The following SIMC1 variants were observed in gnomAD, a reference collection of about 807,000 sequenced individuals.
The protein encoded by SIMC1 is SUMO interacting motifs containing 1, also known as SUMO-interacting motif-containing protein 1.
SIMC1 carries 55 observed loss-of-function variants against 82.3 expected under a neutral mutation model. That is an observed-to-expected ratio of 0.67 (90% CI 0.54 to 0.84). SIMC1 has a LOEUF of 0.84. SIMC1 is among the 40% of genes least tolerant of loss of function. SIMC1 has a pLI of 0.00. For synonymous variants in SIMC1, 353 were observed against 426.3 expected (o/e 0.83, Z 2.12); for missense variants, 915 against 1,107.2 (o/e 0.83, Z 2.46).
At chr5:176,313,384 T>C in intron 4 of SIMC1, 1 of 1,532,844 alleles carries the variant, frequency 6.5e-7, no homozygotes, top group Admixed American at 2.2e-5. Context: ...AGTAGATATC[T>C]GATTGCAGCT....
intron 1 of SIMC1, among the ~76,000 whole-genome samples, chr5:176,259,763 ACT>A (rs1198646957): frequency 6.6e-6 from 1 of 151,078 alleles, no homozygotes; most frequent in Non-Finnish European, 1.5e-5. Flanking sequence ...ACAGAGCAAG[ACT>A]CTATCTCAAA....
rs201617847 is a variant in SIMC1, at chr5:176,324,803, C to A, written c.2171+46C>A. 1,308 of 1,467,726 alleles carry A rather than the reference C, an allele frequency of 8.9e-4. 2 individuals carry two copies. The highest frequency in any genetic ancestry group is 1.1e-3 in the Non-Finnish European group (1,203 of 1,103,106). 90.9% of individuals were successfully genotyped at this position (1,467,726 alleles called of 1,614,324 possible). On this transcript the variant is annotated intron_variant, in intron 7 of 9. Coordinates refer to ENST00000429602, the MANE Select transcript of SIMC1 (RefSeq NM_001308195.2). ...GGAGAGCAGTTATTTAAAAAAAAAA[C>A]AAAAAAAACTCTTGGAAATCATTTT...
intron 1 of SIMC1, among the ~76,000 whole-genome samples, chr5:176,262,261 T>C (rs1762039421): frequency 7.2e-6 from 1 of 138,922 alleles, no homozygotes; most frequent in Non-Finnish European, 1.5e-5. Context: ...AAAAAGCATT[T>C]AATACCCATT....
intron 1 of SIMC1, among the ~76,000 whole-genome samples, chr5:176,253,445 C>T (rs947409731): frequency 6.6e-6 from 1 of 152,080 alleles, no homozygotes; most frequent in African/African-American, 2.4e-5. Flanking sequence ...AACTCCTGAC[C>T]TCCAGTGATC....
chr5:176,308,982 A>G (rs889543591), intron 4 of SIMC1: 2 of 873,454 alleles, frequency 2.3e-6, no homozygotes, highest in Admixed American at 3.4e-5. Context: ...GAAAAGGAAG[A>G]GCTTATGCAA....
At chr5:176,342,275 C>T (rs918808797) in intron 9 of SIMC1, among the ~76,000 whole-genome samples, 6 of 152,164 alleles carry the variant, frequency 3.9e-5, no homozygotes, top group Non-Finnish European at 5.9e-5. Context: ...ATTTACAACC[C>T]TCTAAGTCTA....
chr5:176,300,784 C>G (rs189249854), intron 4 of SIMC1, among the ~76,000 whole-genome samples: 1 of 152,162 alleles, frequency 6.6e-6, no homozygotes, highest in African/African-American at 2.4e-5. Flanking sequence ...ACCAGTGCCA[C>G]AGAAATAAAA....
At chr5:176,266,291 G>A (rs1762209294) in intron 1 of SIMC1, among the ~76,000 whole-genome samples, 1 of 152,100 alleles carries the variant, frequency 6.6e-6, no homozygotes, top group Admixed American at 6.6e-5. Context: ...GTCAAGGCTG[G>A]CGGAGCAAGA....
rs1561708106 is a variant in SIMC1 at position 176,303,339 on chromosome 5, T to TG, written c.1734+7019_1734+7020insG. Among the ~76,000 whole-genome samples, 3 of 151,094 alleles carry TG rather than the reference T, an allele frequency of 2.0e-5. No homozygotes were observed. In the South Asian group the frequency reaches 6.3e-4, roughly 32 times the overall value. On this transcript the variant is annotated intron_variant, in intron 4 of 9. Transcript: ENST00000429602. ...TAGCCAAAGCAATTTTTTTTTTTTT[T>TG]TTTTTGAGACAGAGTTCAGCTCTTA...
At chr5:176,305,706 T>G (rs1379921324) in intron 4 of SIMC1, among the ~76,000 whole-genome samples, 1 of 53,296 alleles carries the variant, frequency 1.9e-5, no homozygotes, top group Non-Finnish European at 3.9e-5. Flanking sequence ...GGGAGGGAGG[T>G]GGGGGGGTCA....
intron 2 of SIMC1, among the ~76,000 whole-genome samples, chr5:176,291,510 G>A (rs1447921168): frequency 3.3e-5 from 5 of 151,786 alleles, no homozygotes; most frequent in African/African-American, 7.3e-5. Flanking sequence ...CTGATTTTTT[G>A]TATTTTTAGT....
intron 7 of SIMC1, among the ~76,000 whole-genome samples, chr5:176,331,593 G>T (rs1184308526): frequency 2.6e-5 from 4 of 151,342 alleles, no homozygotes; most frequent in African/African-American, 9.7e-5. Flanking sequence ...GGGATTGCAG[G>T]CATGAGCCAC....
At chr5:176,296,388 G>T in intron 4 of SIMC1, 68 bp downstream of exon 4, 1 of 1,611,956 alleles carries the variant, frequency 6.2e-7, no homozygotes. Context: ...GTGATATCAG[G>T]TGCCATGGCT....
Position 176,281,276 on chromosome 5 carries a change from C to T in SIMC1, c.130-8378C>T, listed in dbSNP as rs527538826. On this transcript the variant is annotated intron_variant, in intron 1 of 9. Transcript: ENST00000429602. The stretch of plus-strand genomic sequence containing the variant: ...GTAGTTCTCGAGCCTTGGCTTTCAG[C>T]TCCATCAGCTCCTTTAAGCACTTCT... 6.2e-4 allele frequency among the ~76,000 whole-genome samples: 94 copies of T among 152,352 alleles called. 2 individuals carry two copies. In the East Asian group the frequency reaches 0.016, roughly 26 times the overall value.
intron 1 of SIMC1, among the ~76,000 whole-genome samples, chr5:176,260,410 A>T (rs1561675612): frequency 6.6e-6 from 1 of 152,130 alleles, no homozygotes; most frequent in East Asian, 1.9e-4. Context: ...ACCACTAAAG[A>T]ACTTACTTGT....
chr5:176,253,642 A>G (rs1761762863), intron 1 of SIMC1, among the ~76,000 whole-genome samples: 2 of 152,164 alleles, frequency 1.3e-5, no homozygotes, highest in Admixed American at 6.5e-5. Context: ...CGTTTGAGCA[A>G]CAAGGGAGGT....
intron 1 of SIMC1, among the ~76,000 whole-genome samples, chr5:176,277,362 G>A (rs559413843): frequency 1.2e-4 from 19 of 152,024 alleles, no homozygotes; most frequent in Non-Finnish European, 2.4e-4. Flanking sequence ...TTTGTCTGAT[G>A]AGTGGGTTGC....
At chr5:176,270,869 G>C (rs1319006682) in intron 1 of SIMC1, among the ~76,000 whole-genome samples, 1 of 152,136 alleles carries the variant, frequency 6.6e-6, no homozygotes, top group African/African-American at 2.4e-5. Flanking sequence ...GGTGCTCTGG[G>C]GTGCTAAATA....
chr5:176,311,419 T>TA (rs1764657194), intron 4 of SIMC1, among the ~76,000 whole-genome samples: 1 of 151,948 alleles, frequency 6.6e-6, no homozygotes, highest in African/African-American at 2.4e-5. Flanking sequence ...TTTATTTTTA[T>TA]TTTTGTAGAG....
Sources: allele counts gnomAD v4.1 joint callset (sites outside exome capture counted in the v4.1 genomes callset), GRCh38; gene constraint gnomAD v4.1.1; transcripts MANE v1.5; gene names NCBI Gene and HGNC (gene_info 2026-07-23, HGNC 2026-07-21).